Variants in SOX6 observed in about 807,000 individuals in gnomAD.
The protein encoded by SOX6 is transcription factor SOX-6.
Under a neutral mutation model 97.8 loss-of-function variants are expected in SOX6, and 11 were observed. The ratio of observed to expected loss-of-function variants is 0.11; its 90% CI spans 0.07 to 0.19. The LOEUF is 0.19. Among genes scored for constraint, SOX6 ranks in the 10% least tolerant of loss-of-function variants. The pLI is 1.00. For synonymous variants in SOX6, 360 were observed against 371.4 expected (o/e 0.97, Z 0.35); for missense variants, 810 against 1,039.5 (o/e 0.78, Z 3.04).
At chr11:16,299,554 A>T (rs1479509401) in intron 3 of SOX6, among the ~76,000 whole-genome samples, 1 of 152,122 alleles carries the variant, frequency 6.6e-6, no homozygotes. Context: ...TTTTTTTTAA[A>T]ATCACCACAC....
chr11:16,112,015 A>G, intron 6 of SOX6, 92 bp from the exon 7 acceptor site: 1 of 1,517,610 alleles, frequency 6.6e-7, no homozygotes, highest in Non-Finnish European at 9.0e-7. Flanking sequence ...GCTGGTACCC[A>G]CACAGCCACC....
intron 1 of SOX6, 94 bp from the exon 2 acceptor site, chr11:16,341,346 T>C (rs1856627919): frequency 2.0e-6 from 3 of 1,500,540 alleles, no homozygotes; most frequent in Admixed American, 4.1e-5. Context: ...AGAAGGAAAG[T>C]TATTTAACTT....
At chr11:16,668,093 G>C (rs1482831744) in intron 3 of SOX6, among the ~76,000 whole-genome samples, 1 of 152,160 alleles carries the variant, frequency 6.6e-6, no homozygotes, top group Non-Finnish European at 1.5e-5. Context: ...ACATACAACA[G>C]ACCAGCGTGG....
chr11:16,428,687 C>G lies in SOX6; in HGVS notation c.-5+47628G>C, dbSNP rs1449592948. 3.3e-5 allele frequency among the ~76,000 whole-genome samples: 5 copies of G among 152,204 alleles called. No homozygotes were observed. The East Asian group carries it at 7.7e-4, about 24-fold the overall frequency. On this transcript the variant is annotated intron_variant, in intron 1 of 15. Coordinates refer to the SOX6 transcript ENST00000396356. ...TCTGCTCTGTTCCATTGATCTATAT[C>G]CCTGTTTTGGTACCAGTACCATGCT...
intron 3 of SOX6, among the ~76,000 whole-genome samples, chr11:16,278,373 A>G (rs1854459292): frequency 6.6e-6 from 1 of 152,186 alleles, no homozygotes; most frequent in Admixed American, 6.5e-5. Context: ...TGAGTTTATT[A>G]TCCTATAAAC....
At chr11:16,583,748 A>G (rs949471473) in intron 4 of SOX6, among the ~76,000 whole-genome samples, 1 of 150,724 alleles carries the variant, frequency 6.6e-6, no homozygotes, top group African/African-American at 2.4e-5. Flanking sequence ...TCTTCCATAT[A>G]CTGATTCCCT....
At chr11:16,159,407 C>T (rs1403307070) in intron 6 of SOX6, among the ~76,000 whole-genome samples, 2 of 151,974 alleles carry the variant, frequency 1.3e-5, no homozygotes, top group Admixed American at 6.6e-5. Flanking sequence ...AAAACAGTTA[C>T]GTGAAAATAA....
At chr11:16,248,131 C>T (rs547122990) in intron 3 of SOX6, among the ~76,000 whole-genome samples, 1 of 152,316 alleles carries the variant, frequency 6.6e-6, no homozygotes, top group East Asian at 1.9e-4. Context: ...TGTCTCACAT[C>T]CAGGTCATGC....
rs544448390 is a variant in SOX6 at position 16,625,366 on chromosome 11, G to A, written n.430-13106C>T. Among the ~76,000 whole-genome samples, 89 of 152,116 alleles carry A rather than the reference G, an allele frequency of 5.9e-4. 2 individuals are homozygous for A. The highest frequency in any genetic ancestry group is 2.8e-3 in the Admixed American group (43 of 15,264). On this transcript the variant is annotated intron_variant and non_coding_transcript_variant, in intron 3 of 5. Transcript: ENST00000524520. ...ACGAGTGTGAAATAAGATGAAATCC[G>A]TATATTGGTCTCTGCCCCCAGTTCC...
intron 4 of SOX6, among the ~76,000 whole-genome samples, chr11:16,543,416 AT>A (rs147417337): frequency 0.11 from 15,948 of 151,860 alleles, 882 homozygotes; most frequent in Non-Finnish European, 0.14. Context: ...AAAAAAAAAA[AT>A]CATCTTCATT....
intron 1 of SOX6, among the ~76,000 whole-genome samples, chr11:16,374,658 G>T (rs1297084934): frequency 2.0e-5 from 3 of 151,912 alleles, no homozygotes; most frequent in Non-Finnish European, 4.4e-5. Flanking sequence ...CATGTGGTGA[G>T]GTTTCTTTGT....
chr11:16,115,755 G>A (rs1007812540), intron 6 of SOX6, among the ~76,000 whole-genome samples: 2 of 152,174 alleles, frequency 1.3e-5, no homozygotes, highest in African/African-American at 2.4e-5. Context: ...TGATAGAAAA[G>A]GGAGAAATCA....
chr11:16,160,649 CT>C (rs766899903), intron 6 of SOX6, among the ~76,000 whole-genome samples: 5 of 152,172 alleles, frequency 3.3e-5, no homozygotes, highest in Non-Finnish European at 7.3e-5. Context: ...AGAAAATACA[CT>C]GTCAGAAATT....
chr11:16,373,058 A>G (rs905802530), intron 1 of SOX6, among the ~76,000 whole-genome samples: 4 of 152,126 alleles, frequency 2.6e-5, no homozygotes, highest in African/African-American at 9.7e-5. Flanking sequence ...AATAGTGAGA[A>G]GGAAAATTGG....
intron 3 of SOX6, among the ~76,000 whole-genome samples, chr11:16,298,122 C>A (rs539152953): frequency 1.3e-5 from 2 of 152,224 alleles, no homozygotes; most frequent in Admixed American, 1.3e-4. Flanking sequence ...TACTAATATA[C>A]GTTCTTCTGA....
rs1408079262 is a variant in SOX6 at position 16,234,598 on chromosome 11, A to C, written c.519T>G (p.Leu173=). 1.9e-6 allele frequency: 3 copies of C among 1,588,752 alleles called. No homozygotes were observed. The highest frequency in any genetic ancestry group is 3.4e-5 in the Admixed American group (2 of 59,438). ...EKMERLNTSE[L]LGEIKGTPES... is the part of the protein sequence containing the mutation. Reference sequence around the variant, plus strand: ...ATGTTGTACCTTTAATTTCTCCAAGAAGTTCACTGGTATTTAGTCTTTCCA... The same window carrying C: ...ATGTTGTACCTTTAATTTCTCCAAGCAGTTCACTGGTATTTAGTCTTTCCA... Residue 173 remains leucine (L), a synonymous_variant, in exon 4 of 16, where the codon CTT becomes CTG. Coordinates refer to ENST00000683767, the MANE Select transcript of SOX6 (RefSeq NM_001367873.1).
At chr11:16,639,318 C>A (rs946508277) in intron 3 of SOX6, among the ~76,000 whole-genome samples, 14 of 152,122 alleles carry the variant, frequency 9.2e-5, no homozygotes, top group Admixed American at 6.5e-4. Context: ...GTTACTGTAG[C>A]CTTGTAGTAT....
intron 9 of SOX6, among the ~76,000 whole-genome samples, chr11:16,085,762 T>C (rs149582552): frequency 1.6e-3 from 248 of 152,318 alleles, no homozygotes; most frequent in Non-Finnish European, 2.9e-3. Flanking sequence ...GTCTCACTAA[T>C]GAAAAATTAT....
chr11:16,384,423 G>A (rs893620107), intron 1 of SOX6, among the ~76,000 whole-genome samples: 13 of 151,902 alleles, frequency 8.6e-5, no homozygotes, highest in Middle Eastern at 6.8e-3. Flanking sequence ...AATTTGATTA[G>A]TTGTTGCACA....
Sources: allele counts gnomAD v4.1 joint callset (sites outside exome capture counted in the v4.1 genomes callset), GRCh38; gene constraint gnomAD v4.1.1; transcripts MANE v1.5; gene names NCBI Gene and HGNC (gene_info 2026-07-23, HGNC 2026-07-21).